Variants in TRPC3 observed in about 807,000 individuals in gnomAD.
TRPC3 encodes the protein short transient receptor potential channel 3.
Under a neutral mutation model 90.9 loss-of-function variants are expected in TRPC3, and 54 were observed. The ratio of observed to expected loss-of-function variants is 0.59; its 90% CI spans 0.48 to 0.75. The LOEUF (loss-of-function observed/expected upper bound fraction) is 0.75. Ranked by LOEUF, TRPC3 falls within the 30% of genes least tolerant of loss-of-function variation. The pLI is 0.00. For missense variants in TRPC3, 918 were observed against 1,194.5 expected (o/e 0.77, Z 3.41); for synonymous variants, 424 against 450.9 (o/e 0.94, Z 0.75).
chr4:121,947,492 G>C (rs916741017), intron 1 of TRPC3, among the ~76,000 whole-genome samples: 2 of 152,092 alleles, frequency 1.3e-5, no homozygotes, highest in African/African-American at 2.4e-5. Context: ...CATACAAAGT[G>C]TTTTAGGTAA....
intron 1 of TRPC3, among the ~76,000 whole-genome samples, chr4:121,940,652 A>C (rs1231040725): frequency 6.6e-6 from 1 of 152,230 alleles, no homozygotes; most frequent in African/African-American, 2.4e-5. Context: ...TATGACCCAC[A>C]AGATTCTGTT....
At chr4:121,903,400 A>G (rs985827813) in intron 8 of TRPC3, among the ~76,000 whole-genome samples, 1 of 152,182 alleles carries the variant, frequency 6.6e-6, no homozygotes, top group Non-Finnish European at 1.5e-5. Flanking sequence ...TCAATTCTGC[A>G]TGTTTGACAA....
intron 3 of TRPC3, among the ~76,000 whole-genome samples, chr4:121,920,687 G>A (rs1729471823): frequency 6.6e-6 from 1 of 152,118 alleles, no homozygotes; most frequent in African/African-American, 2.4e-5. Context: ...TTGTACATTA[G>A]TATACGTTTA....
rs1450325750 is a variant in TRPC3 at position 121,875,213 on chromosome 4, G to C, written c.*4523C>G. 1.3e-5 allele frequency among the ~76,000 whole-genome samples: 2 copies of C among 151,676 alleles called. No homozygotes were observed. The highest frequency in any genetic ancestry group is 4.8e-5 in the African/African-American group (2 of 41,364). ...AGTGATGTCCACTGTTCAATTAATT[G>C]TGTAGAAGGAAAGTAAAAGTTTATT... is the stretch of plus-strand genomic sequence containing the variant. On this transcript the variant is annotated 3_prime_UTR_variant, in exon 12 of 12. Coordinates refer to ENST00000379645, the MANE Select transcript of TRPC3 (RefSeq NM_001130698.2).
In TRPC3 at chr4:121,945,232, T is replaced by C. The variant is rs187053916; in HGVS notation, c.215+6234A>G. Reference sequence around the variant, plus strand: ...CCATTCTTGGTTACGTTAAATAATATTGCCAATGTTAGGGCTTAAATAAAC... The same window carrying C: ...CCATTCTTGGTTACGTTAAATAATACTGCCAATGTTAGGGCTTAAATAAAC... On this transcript the variant is annotated intron_variant, in intron 1 of 11. Transcript: ENST00000379645. 2.6e-3 allele frequency among the ~76,000 whole-genome samples: 395 copies of C among 152,304 alleles called. 2 individuals are homozygous for C. The Middle Eastern group carries it at 0.031, about 12-fold the overall frequency.
Position 121,899,596 on chromosome 4 carries a change from T to C in TRPC3, c.2547+16A>G. ...AATCACATAGAGATCAAGAGATACG[T>C]CTAATGAATGCTTACCTGATAACGT... On this transcript the variant is annotated intron_variant, in intron 10 of 11. Coordinates refer to ENST00000379645, the MANE Select transcript of TRPC3 (RefSeq NM_001130698.2). 1 of 1,605,784 alleles carries C rather than the reference T, an allele frequency of 6.2e-7. No homozygotes were observed. Among genetic ancestry groups the C allele is most frequent in the Non-Finnish European group, 8.5e-7 (1 of 1,172,928 alleles).
At chr4:121,897,078 G>A (rs1435763918) in intron 10 of TRPC3, among the ~76,000 whole-genome samples, 1 of 151,980 alleles carries the variant, frequency 6.6e-6, no homozygotes, top group African/African-American at 2.4e-5. Flanking sequence ...TGGGAAAACT[G>A]GATATCCATA....
At position 121,875,915 on chromosome 4, in the gene TRPC3, T is replaced by G. The variant is rs1578586194; in HGVS notation, c.*3821A>C. ...TTTTTTTTTTTTTTTTTTTTTTTTTTTGTGGGGGGTGGTTCACTTTGTCAC... is the reference window on the plus strand; with the variant it reads ...TTTTTTTTTTTTTTTTTTTTTTTTTGTGTGGGGGGTGGTTCACTTTGTCAC... On this transcript the variant is annotated 3_prime_UTR_variant, in exon 12 of 12. Coordinates refer to ENST00000379645, the MANE Select transcript of TRPC3 (RefSeq NM_001130698.2). 4.3e-5 allele frequency among the ~76,000 whole-genome samples: 5 copies of G among 115,230 alleles called. No individual in the cohort carries two copies. Among genetic ancestry groups the G allele is most frequent in the African/African-American group, 2.0e-4 (5 of 24,690 alleles). The allele number at this position is 115,230 out of a possible 152,430, so 75.6% of individuals were successfully genotyped here.
chr4:121,903,012 G>T lies in TRPC3; in HGVS notation c.2303C>A (p.Ser768Tyr), dbSNP rs757158418. 6.2e-7 allele frequency: 1 copy of T among 1,613,060 alleles called. No homozygotes were observed. Among genetic ancestry groups the T allele is most frequent in the Non-Finnish European group, 8.5e-7 (1 of 1,179,566 alleles). ...WKFARSKLWLSYFDDGKTLPP... is the reference protein window; with the variant it reads ...WKFARSKLWLYYFDDGKTLPP... Reference sequence around the variant, plus strand: ...TAATGTTTTTCCATCATCAAAATAGGATAACCAAAGTTTTGAACGAGCAAA... The same window carrying T: ...TAATGTTTTTCCATCATCAAAATAGTATAACCAAAGTTTTGAACGAGCAAA... The change falls in exon 9 of 12, where the codon TCC becomes TAC. Residue 768 changes from serine (S) to tyrosine (Y), a missense_variant. Physicochemically the swap from Ser to Tyr is moderately radical, Grantham distance 144. This residue lies in a region of TRPC3 where 121 missense variants were observed against 135.7 expected (regional missense o/e 0.89). Coordinates refer to ENST00000379645, the MANE Select transcript of TRPC3 (RefSeq NM_001130698.2).
chr4:121,932,869 T>C lies in TRPC3; in HGVS notation c.389A>G (p.Lys130Arg). 6.2e-7 allele frequency: 1 copy of C among 1,613,838 alleles called. No homozygotes were observed. The highest frequency in any genetic ancestry group is 8.5e-7 in the Non-Finnish European group (1 of 1,179,826). Reference protein sequence around the residue: ...AEYGNIPVVRKMLEESKTLNV... With the variant: ...AEYGNIPVVRRMLEESKTLNV... ...CAGCGTCTTGGACTCCTCCAGCATC[T>C]TGCGCACCACTGGGATGTTGCCGTA... Residue 130 changes from lysine (K) to arginine (R), a missense_variant, in exon 2 of 12, where the codon AAG becomes AGG. By Grantham distance (26) the Lys-to-Arg change is conservative. Around this residue, in one of 4 missense-constraint regions of TRPC3, gnomAD observed 609 missense variants for 725.9 expected, o/e 0.84. Coordinates refer to ENST00000379645, the MANE Select transcript of TRPC3 (RefSeq NM_001130698.2). The surrounding 1 kb of genome is among the most constrained non-coding windows in gnomAD (Gnocchi z 7.7).
intron 1 of TRPC3, among the ~76,000 whole-genome samples, chr4:121,938,355 T>C (rs1730199616): frequency 6.6e-6 from 1 of 152,204 alleles, no homozygotes; most frequent in Non-Finnish European, 1.5e-5. Context: ...AATTTCAAGG[T>C]CATCTATGAC....
At position 121,907,554 on chromosome 4, in the gene TRPC3, C is replaced by T; in HGVS notation, c.1806G>A (p.Trp602Ter). 1 of 1,598,416 alleles carries T rather than the reference C, an allele frequency of 6.3e-7. No individual in the cohort carries two copies. Among genetic ancestry groups the T allele is most frequent in the Non-Finnish European group, 8.5e-7 (1 of 1,173,982 alleles). ...ATATAATCTGAGGGTCAGAAGGGAGCCATTTATCTCTAGCTAGAAAAAAGA... is the reference window on the plus strand; with the variant it reads ...ATATAATCTGAGGGTCAGAAGGGAGTCATTTATCTCTAGCTAGAAAAAAGA... ...IQYFTYARDK[W>*]LPSDPQIISE... is the part of the protein sequence containing the mutation. The change falls in exon 7 of 12, where the codon TGG becomes TGA. Residue 602 changes from tryptophan to a stop codon, truncating the protein, a stop_gained. Coordinates refer to ENST00000379645, the MANE Select transcript of TRPC3 (RefSeq NM_001130698.2). LOFTEE classifies it high-confidence loss of function.
rs1036031985 is a variant in TRPC3, at chr4:121,951,258, C to T, written c.215+208G>A. ...AGCCCCTGCCACGCACTCGGCAGCC[C>T]CTGTGTCCCTCCACCGCGCGGGACC... On this transcript the variant is annotated intron_variant, in intron 1 of 11. Transcript: ENST00000379645. The surrounding 1 kb of genome is among the most constrained non-coding windows in gnomAD (Gnocchi z 4.4). 6.6e-6 allele frequency among the ~76,000 whole-genome samples: 1 copy of T among 152,094 alleles called. No individual in the cohort carries two copies. Among genetic ancestry groups the T allele is most frequent in the African/African-American group, 2.4e-5 (1 of 41,444 alleles).
At chr4:121,896,950 C>T (rs1337232947) in intron 10 of TRPC3, among the ~76,000 whole-genome samples, 1 of 152,010 alleles carries the variant, frequency 6.6e-6, no homozygotes, top group Non-Finnish European at 1.5e-5. Flanking sequence ...GACACATAAA[C>T]CTATGGAACA....
intron 8 of TRPC3, among the ~76,000 whole-genome samples, chr4:121,903,660 T>C (rs1409029595): frequency 6.6e-6 from 1 of 151,972 alleles, no homozygotes; most frequent in Non-Finnish European, 1.5e-5. Context: ...ATAGGAGAAA[T>C]GAAGGGAAGG....
At position 121,925,286 on chromosome 4, in the gene TRPC3, G is replaced by GGTA. The variant is rs1406094303; in HGVS notation, c.988-83_988-81dup. The GGTA allele has an allele frequency of 7.0e-6, 10 of 1,425,024 alleles. No homozygotes were observed. In the East Asian group the frequency reaches 2.5e-4, roughly 35 times the overall value. The allele number at this position is 1,425,024 out of a possible 1,614,324, so 88.3% of individuals were successfully genotyped here. A position where few individuals can be genotyped will look rare whatever the true frequency, so the allele number is the denominator to read the frequency against. On this transcript the variant is annotated intron_variant, in intron 2 of 11. Coordinates refer to ENST00000379645, the MANE Select transcript of TRPC3 (RefSeq NM_001130698.2). ...AAAGTATTTGGGTGAATTAGAAAAA[G>GGTA]GTATCCCTTCTTTTGGGGGTAGAAA...
intron 6 of TRPC3, among the ~76,000 whole-genome samples, chr4:121,909,407 A>G (rs187616341): frequency 1.3e-5 from 2 of 152,094 alleles, no homozygotes; most frequent in Non-Finnish European, 2.9e-5. Flanking sequence ...AACACTTTCT[A>G]AAGTATTTTC....
At chr4:121,889,802 A>C (rs1234761583) in intron 10 of TRPC3, among the ~76,000 whole-genome samples, 2 of 152,226 alleles carry the variant, frequency 1.3e-5, no homozygotes, top group Admixed American at 1.3e-4. Flanking sequence ...ATGATCCAGC[A>C]ATCCCACTAC....
rs564218884 is a variant in TRPC3 at position 121,941,814 on chromosome 4, T to C, written c.216-8772A>G. ...ATCAAAAACACACATTTTGAACATC[T>C]CTTAATATATATTTTTTGGAGGGGA... On this transcript the variant is annotated intron_variant, in intron 1 of 11. Transcript: ENST00000379645. Among the ~76,000 whole-genome samples, 5 of 152,220 alleles carry C rather than the reference T, an allele frequency of 3.3e-5. No homozygotes were observed. In the South Asian group the frequency reaches 1.0e-3, roughly 32 times the overall value.
Sources: allele counts gnomAD v4.1 joint callset (sites outside exome capture counted in the v4.1 genomes callset), GRCh38; gene constraint gnomAD v4.1.1; regional missense constraint gnomAD v4.1.1; non-coding constraint Gnocchi (gnomAD v3.1); transcripts MANE v1.5; gene names NCBI Gene and HGNC (gene_info 2026-07-23, HGNC 2026-07-21).